Variants in C11orf54 observed in about 807,000 individuals in gnomAD.
C11orf54 encodes beta-keto-L-gulonate decarboxylase, also known as beta-keto L-gulonate decarboxylase.
Under a neutral mutation model 35.5 loss-of-function variants are expected in C11orf54, and 29 were observed. That is an observed-to-expected ratio of 0.82 (90% CI 0.61 to 1.11). The LOEUF (loss-of-function observed/expected upper bound fraction) is 1.11, where lower values mean the gene tolerates loss of function less well. Ranked by LOEUF, C11orf54 falls within the 50% of genes most tolerant of loss-of-function variation. C11orf54 has a pLI of 0.00. For missense variants in C11orf54, 373 were observed against 369.2 expected, an observed-to-expected ratio of 1.01 and a Z score of -0.08; for synonymous variants, 108 against 121.1, an observed-to-expected ratio of 0.89 and a Z score of 0.71.
chr11:93,752,529 C>T (rs146154272), intron 3 of C11orf54, among the ~76,000 whole-genome samples: 223 of 152,212 alleles, frequency 1.5e-3, no homozygotes, highest in Admixed American at 3.9e-3. Flanking sequence ...TTCACCTGTT[C>T]TTCCTTTGTG....
chr11:93,749,819 ACTATC>A (rs1291311585), intron 2 of C11orf54, among the ~76,000 whole-genome samples: 1 of 152,232 alleles, frequency 6.6e-6, no homozygotes, highest in Non-Finnish European at 1.5e-5. Flanking sequence ...CTATGTAACT[ACTATC>A]CAGATCAAAA....
At chr11:93,742,457 C>T (rs568754355) in intron 1 of C11orf54, among the ~76,000 whole-genome samples, 52 of 152,136 alleles carry the variant, frequency 3.4e-4, no homozygotes, top group African/African-American at 1.2e-3. Context: ...CTAATTTTTG[C>T]ATTTTTAGTA....
At chr11:93,749,519 A>AC (rs2135597462) in intron 2 of C11orf54, among the ~76,000 whole-genome samples, 1 of 151,262 alleles carries the variant, frequency 6.6e-6, no homozygotes, top group African/African-American at 2.4e-5. Flanking sequence ...AAAAAAAAAA[A>AC]AAAAAAAACT....
Position 93,755,365 on chromosome 11 carries a change from C to T in C11orf54, c.486C>T (p.Ala162=), listed in dbSNP as rs1248932927. Residue 162 remains alanine, a synonymous_variant, in exon 6 of 9, where the codon GCC becomes GCT. Coordinates refer to ENST00000354421, the MANE Select transcript of C11orf54 (RefSeq NM_001286069.2). ...FQCALLANLF[A]SEGQPGKVIE... ...GTGCATTACTGGCTAATCTTTTTGC[C>T]AGTGAAGGCCAACCTGGCAAGGTGA... The T allele has an allele frequency of 6.2e-7, 1 of 1,613,870 alleles. No individual in the cohort carries two copies. Among genetic ancestry groups the T allele is most frequent in the East Asian group, 2.2e-5 (1 of 44,870 alleles).
At chr11:93,742,030 T>A (rs1942102217) in intron 1 of C11orf54, 1 of 157,128 alleles carries the variant, frequency 6.4e-6, no homozygotes. Flanking sequence ...GTGTAACCTT[T>A]GTGCTGGACG....
chr11:93,760,457 G>A (rs559039060), intron 8 of C11orf54, among the ~76,000 whole-genome samples: 43 of 152,152 alleles, frequency 2.8e-4, no homozygotes, highest in African/African-American at 1.0e-3. Flanking sequence ...TACTGAGGAG[G>A]CTGACTTGAA....
rs2077408 is a variant in C11orf54, at chr11:93,764,113, G to T, written c.*2425G>T. The T allele has an allele frequency of 1.3e-5, 2 of 152,068 alleles. No homozygotes were observed. The highest frequency in any genetic ancestry group is 2.9e-5 in the Non-Finnish European group (2 of 68,060). 9.4% of individuals were successfully genotyped at this position (152,068 alleles called of 1,614,324 possible). On this transcript the variant is annotated 3_prime_UTR_variant, in exon 9 of 9. Transcript: ENST00000354421. Reference sequence around the variant, plus strand: ...ACAGGCATGGGCCACCATGTCTGGCGAGCACCCAGGCTTTCTTAGCTTGCC... The same window carrying T: ...ACAGGCATGGGCCACCATGTCTGGCTAGCACCCAGGCTTTCTTAGCTTGCC...
chr11:93,761,332 G>C (rs906305237), intron 8 of C11orf54, among the ~76,000 whole-genome samples, 183 bp from the exon 9 acceptor site: 10 of 152,200 alleles, frequency 6.6e-5, no homozygotes, highest in African/African-American at 2.4e-4. Flanking sequence ...AGTGAGTGGT[G>C]AGGGCAAGAG....
intron 1 of C11orf54, chr11:93,746,714 A>G (rs1942489405): frequency 6.6e-6 from 1 of 152,184 alleles, no homozygotes; most frequent in African/African-American, 2.4e-5. Context: ...TTCCATTTCT[A>G]TTCGTAATTT....
chr11:93,747,465 C>G lies in C11orf54; in HGVS notation c.55+17C>G, dbSNP rs1942537407. 2 of 1,573,868 alleles carry G rather than the reference C, an allele frequency of 1.3e-6. No individual in the cohort carries two copies. The highest frequency in any genetic ancestry group is 2.8e-5 in the African/African-American group (2 of 72,132). On this transcript the variant is annotated intron_variant, in intron 2 of 8. Coordinates refer to ENST00000354421, the MANE Select transcript of C11orf54 (RefSeq NM_001286069.2). ...TTGCTGGAGGTAAAAACAATATTAA[C>G]TTTGGATTTTTAAAAATTATCCCAA...
In C11orf54 at chr11:93,747,356, C is replaced by T. The variant is rs962059927; in HGVS notation, c.-38C>T. On this transcript the variant is annotated 5_prime_UTR_variant, in exon 2 of 9. Transcript: ENST00000354421. ...TCTTGTGATAATTAACCAAGAGTAG[C>T]TCTATTTGTCCAACCTCACACCTAA... 5.9e-5 allele frequency: 90 copies of T among 1,521,362 alleles called. No individual in the cohort carries two copies. Among genetic ancestry groups the T allele is most frequent in the Non-Finnish European group, 7.5e-5 (85 of 1,126,002 alleles). 94.2% of individuals were successfully genotyped at this position (1,521,362 alleles called of 1,614,324 possible).
intron 2 of C11orf54, among the ~76,000 whole-genome samples, chr11:93,749,666 AAG>A (rs1011094842): frequency 1.3e-5 from 2 of 152,102 alleles, no homozygotes; most frequent in African/African-American, 2.4e-5. Context: ...AAAAGAAAAA[AAG>A]AGAGAGGGAA....
chr11:93,754,152 T>G, intron 5 of C11orf54, 115 bp downstream of exon 5: 1 of 798,408 alleles, frequency 1.3e-6, no homozygotes, highest in Non-Finnish European at 2.1e-6. Context: ...CTCTGCAGGT[T>G]TGATACTACT....
In C11orf54 at chr11:93,747,401, G is replaced by T; in HGVS notation, c.8G>T (p.Cys3Phe). ...ACCTAAAGAAGAAAGAAAATGGCTT[G>T]TGCTGAGTTTTCTTTTCATGTACCA... MA[C>F]AEFSFHVPSL... is the part of the protein sequence containing the mutation. Residue 3 changes from cysteine to phenylalanine, a missense_variant, in exon 2 of 9, where the codon TGT (cysteine) becomes TTT (phenylalanine). Coordinates refer to ENST00000354421, the MANE Select transcript of C11orf54 (RefSeq NM_001286069.2). The T allele has an allele frequency of 6.2e-7, 1 of 1,600,926 alleles. No individual in the cohort carries two copies. The highest frequency in any genetic ancestry group is 2.3e-5 in the East Asian group (1 of 43,968).
At chr11:93,742,318 T>G (rs1186466767) in intron 1 of C11orf54, among the ~76,000 whole-genome samples, 1 of 152,064 alleles carries the variant, frequency 6.6e-6, no homozygotes, top group Non-Finnish European at 1.5e-5. Flanking sequence ...AGTTTCGCTC[T>G]TGTTGCCCAG....
At chr11:93,752,292 G>GT (rs1168888327) in intron 3 of C11orf54, among the ~76,000 whole-genome samples, 1 of 152,122 alleles carries the variant, frequency 6.6e-6, no homozygotes, top group Non-Finnish European at 1.5e-5. Flanking sequence ...AAACATAGGA[G>GT]TTTAAGACCA....
chr11:93,757,342 A>T lies in C11orf54; in HGVS notation c.534A>T (p.Arg178Ser), dbSNP rs1490802495. The T allele has an allele frequency of 6.3e-7, 1 of 1,598,208 alleles. No individual in the cohort carries two copies. The highest frequency in any genetic ancestry group is 8.5e-7 in the Non-Finnish European group (1 of 1,179,784). The change falls in exon 7 of 9, where the codon AGA becomes AGT. Residue 178 changes from arginine (R) to serine (S), a missense_variant. Arg to Ser is a moderately radical substitution (Grantham distance 110). Coordinates refer to ENST00000354421, the MANE Select transcript of C11orf54 (RefSeq NM_001286069.2). ...GKVIEVKAKRRTGPLNFVTCM... is the reference protein window; with the variant it reads ...GKVIEVKAKRSTGPLNFVTCM... ...TAATTGAGGTGAAAGCCAAAAGAAGAACTGGACCACTTAACTTTGTGACTT... is the reference window on the plus strand; with the variant it reads ...TAATTGAGGTGAAAGCCAAAAGAAGTACTGGACCACTTAACTTTGTGACTT...
chr11:93,749,011 G>A (rs796382038), intron 2 of C11orf54, among the ~76,000 whole-genome samples: 4 of 152,004 alleles, frequency 2.6e-5, no homozygotes, highest in African/African-American at 9.6e-5. Flanking sequence ...GGGTGTGGTG[G>A]CGGGCGCCTG....
intron 8 of C11orf54, among the ~76,000 whole-genome samples, chr11:93,760,785 A>G (rs1943420231): frequency 6.6e-6 from 1 of 151,818 alleles, no homozygotes; most frequent in African/African-American, 2.4e-5. Flanking sequence ...CACCCTCCTG[A>G]GTAGCTGGGA....
Sources: allele counts gnomAD v4.1 joint callset (sites outside exome capture counted in the v4.1 genomes callset), GRCh38; gene constraint gnomAD v4.1.1; transcripts MANE v1.5; gene names NCBI Gene and HGNC (gene_info 2026-07-23, HGNC 2026-07-21).